The following FHIT variants were observed in gnomAD, a reference collection of about 807,000 sequenced individuals.
FHIT encodes bis(5'-adenosyl)-triphosphatase.
FHIT carries 19 observed loss-of-function variants against 17.9 expected under a neutral mutation model. The ratio of observed to expected loss-of-function variants is 1.06; its 90% confidence interval spans 0.74 to 1.56. FHIT has a LOEUF of 1.56. Among genes scored for constraint, FHIT ranks in the 40% most tolerant of loss-of-function variants. The pLI is 0.00. For synonymous variants in FHIT, 81 were observed against 69.7 expected, an observed-to-expected ratio of 1.16 and a Z score of -0.81; for missense variants, 248 against 189.2, an observed-to-expected ratio of 1.31 and a Z score of -1.82.
At chr3:60,319,954 A>G (rs1709347092) in intron 5 of FHIT, among the ~76,000 whole-genome samples, 1 of 152,120 alleles carries the variant, frequency 6.6e-6, no homozygotes, top group South Asian at 2.1e-4. Context: ...AGGATGCACA[A>G]TAGCAGCTCT....
chr3:59,824,245 C>G (rs7624854), intron 8 of FHIT, among the ~76,000 whole-genome samples: 3 of 151,828 alleles, frequency 2.0e-5, no homozygotes, highest in African/African-American at 7.2e-5. Flanking sequence ...TACAGAAGGA[C>G]GGAGGGAGGT....
At chr3:59,890,017 G>T (rs973863253) in intron 8 of FHIT, among the ~76,000 whole-genome samples, 2 of 152,144 alleles carry the variant, frequency 1.3e-5, no homozygotes, top group Non-Finnish European at 2.9e-5. Flanking sequence ...CTTCAATGAA[G>T]ACGTCATTAA....
At chr3:60,745,736 C>G (rs1156244901) in intron 4 of FHIT, among the ~76,000 whole-genome samples, 1 of 152,080 alleles carries the variant, frequency 6.6e-6, no homozygotes, top group Non-Finnish European at 1.5e-5. Flanking sequence ...CTGGTACCAA[C>G]CCAATATACC....
chr3:60,172,067 T>G (rs531919194), intron 5 of FHIT, among the ~76,000 whole-genome samples: 1 of 152,220 alleles, frequency 6.6e-6, no homozygotes, highest in Non-Finnish European at 1.5e-5. Context: ...ATATCCAGAT[T>G]AGTAGGGGAG....
rs116661818 is a variant in FHIT, at chr3:61,095,733, G to A, written c.-163-53634C>T. 4.2e-3 allele frequency among the ~76,000 whole-genome samples: 642 copies of A among 151,926 alleles called. 7 individuals carry two copies. The highest frequency in any genetic ancestry group is 0.015 in the African/African-American group (616 of 41,420). On this transcript the variant is annotated intron_variant, in intron 2 of 9. Coordinates refer to ENST00000492590, the MANE Select transcript of FHIT (RefSeq NM_002012.4). Reference sequence around the variant, plus strand: ...GCCCTCAGTGCCATTCTGCTTTTTCGCTGCCACCACATTTACTGTGCTCAT... The same window carrying A: ...GCCCTCAGTGCCATTCTGCTTTTTCACTGCCACCACATTTACTGTGCTCAT...
intron 2 of FHIT, among the ~76,000 whole-genome samples, chr3:61,163,917 T>C (rs1408741940): frequency 6.6e-6 from 1 of 152,204 alleles, no homozygotes; most frequent in Non-Finnish European, 1.5e-5. Context: ...GCCATTAACC[T>C]GGCAATGGAA....
At chr3:60,136,992 T>G (rs1699842807) in intron 5 of FHIT, among the ~76,000 whole-genome samples, 1 of 152,190 alleles carries the variant, frequency 6.6e-6, no homozygotes, top group Non-Finnish European at 1.5e-5. Flanking sequence ...AAATATTCAC[T>G]AGGAAAAATT....
At chr3:59,760,917 G>A (rs1183815704) in intron 8 of FHIT, among the ~76,000 whole-genome samples, 1 of 151,850 alleles carries the variant, frequency 6.6e-6, no homozygotes, top group African/African-American at 2.4e-5. Flanking sequence ...AGGCTTAAGT[G>A]ATCCAGCCAC....
rs188425900 is a variant in FHIT, at chr3:60,566,348, C to T, written c.-17-29369G>A. ...TAATCCAGCATATAAACAGAACCAA[C>T]GACAAAAACCACATGATTATCTCAA... On this transcript the variant is annotated intron_variant, in intron 4 of 9. Transcript: ENST00000492590. 5.0e-3 allele frequency among the ~76,000 whole-genome samples: 761 copies of T among 152,018 alleles called. 6 individuals are homozygous for T. The highest frequency in any genetic ancestry group is 0.016 in the African/African-American group (654 of 41,468).
chr3:60,453,954 C>T (rs753393482), intron 5 of FHIT, among the ~76,000 whole-genome samples: 2 of 151,948 alleles, frequency 1.3e-5, no homozygotes, highest in Non-Finnish European at 2.9e-5. Context: ...AATGGGTCTT[C>T]AATCTCTATG....
chr3:61,168,993 A>G (rs925033223), intron 2 of FHIT, among the ~76,000 whole-genome samples: 7 of 152,180 alleles, frequency 4.6e-5, no homozygotes, highest in East Asian at 1.9e-4. Context: ...GTCATCCCCA[A>G]TTAGTGGGTT....
At chr3:59,972,250 G>A (rs1708218913) in intron 7 of FHIT, among the ~76,000 whole-genome samples, 1 of 152,068 alleles carries the variant, frequency 6.6e-6, no homozygotes, top group South Asian at 2.1e-4. Context: ...GAATATTCAA[G>A]AGGCTTGATA....
At chr3:60,156,716 A>G (rs1347510585) in intron 5 of FHIT, among the ~76,000 whole-genome samples, 2 of 152,178 alleles carry the variant, frequency 1.3e-5, no homozygotes, top group African/African-American at 4.8e-5. Context: ...TGCACCACTG[A>G]CTTTCACCTG....
At chr3:60,627,959 T>A (rs972625340) in intron 4 of FHIT, among the ~76,000 whole-genome samples, 26 of 152,350 alleles carry the variant, frequency 1.7e-4, no homozygotes, top group African/African-American at 6.3e-4. Context: ...TTCTATTCTC[T>A]ATTTCATTAA....
chr3:60,660,745 T>TTTTTTTTTTTTTTTTTC, intron 4 of FHIT, among the ~76,000 whole-genome samples: 1 of 142,370 alleles, frequency 7.0e-6, no homozygotes, highest in African/African-American at 2.6e-5. Flanking sequence ...TTTTTTTTTT[T>TTTTTTTTTTTTTTTTTC]TTTTTGCCAT....
chr3:60,492,565 G>C (rs894802689), intron 5 of FHIT, among the ~76,000 whole-genome samples: 12 of 150,028 alleles, frequency 8.0e-5, no homozygotes, highest in African/African-American at 3.0e-4. Flanking sequence ...GGAGTGCAAT[G>C]GTGTGATCTC....
intron 4 of FHIT, among the ~76,000 whole-genome samples, chr3:60,704,021 T>C (rs1224710165): frequency 3.3e-5 from 5 of 152,176 alleles, no homozygotes; most frequent in African/African-American, 1.2e-4. Context: ...CGTACCAGTA[T>C]TGATTGGCAG....
chr3:60,039,143 T>C (rs1272200288), intron 5 of FHIT, among the ~76,000 whole-genome samples: 2 of 152,312 alleles, frequency 1.3e-5, no homozygotes, highest in East Asian at 1.9e-4. Flanking sequence ...GGTGTTTCCA[T>C]GTGCTCTCTC....
chr3:59,971,443 T>C (rs982424163), intron 7 of FHIT, among the ~76,000 whole-genome samples: 5 of 152,120 alleles, frequency 3.3e-5, no homozygotes, highest in Non-Finnish European at 7.4e-5. Flanking sequence ...CAAGAGGTGA[T>C]TTCAGTAAGA....
Sources: gnomAD v4.1 joint callset for allele counts (sites outside exome capture counted in the v4.1 genomes callset) on GRCh38, gnomAD v4.1.1 for gene constraint, MANE v1.5 for transcripts, NCBI Gene and HGNC (gene_info 2026-07-23, HGNC 2026-07-21) for gene names.